The following CERS6 variants were observed in gnomAD, a reference collection of about 807,000 sequenced individuals.
The protein encoded by CERS6 is LAG1 homolog, ceramide synthase 6.
Under a neutral mutation model 56.8 loss-of-function variants are expected in CERS6, and 26 were observed. That is an observed-to-expected ratio of 0.46 (90% CI 0.34 to 0.63). The LOEUF is 0.63. CERS6 is among the 30% of genes least tolerant of loss of function. The probability of loss-of-function intolerance (pLI) is 0.01; values close to 1 mark genes in which losing one functional copy is unlikely to be tolerated. For synonymous variants in CERS6, 164 were observed against 173.3 expected (o/e 0.95, Z 0.42); for missense variants, 415 against 467.5 (o/e 0.89, Z 1.04).
intron 1 of CERS6, among the ~76,000 whole-genome samples, chr2:168,494,299 T>C (rs575473830): frequency 9.9e-4 from 151 of 151,970 alleles, no homozygotes; most frequent in South Asian, 3.7e-3. Flanking sequence ...TTTTATAGAG[T>C]GCAGTGGTTA....
At chr2:168,488,520 A>G (rs915961652) in intron 1 of CERS6, among the ~76,000 whole-genome samples, 1 of 152,084 alleles carries the variant, frequency 6.6e-6, no homozygotes, top group Non-Finnish European at 1.5e-5. Context: ...ATCTTTTTTC[A>G]TGGGTGTGTT....
chr2:168,611,952 G>A (rs993599601), intron 3 of CERS6, among the ~76,000 whole-genome samples: 9 of 152,158 alleles, frequency 5.9e-5, no homozygotes, highest in African/African-American at 2.2e-4. Context: ...TTGGTAGTTT[G>A]TCTAGCCATT....
At position 168,587,148 on chromosome 2, in the gene CERS6, G is replaced by A. The variant is rs565424422; in HGVS notation, c.407+25826G>A. ...GAGCCAAGATTGTGCCAGTGCAGCT[G>A]GGCTGAGCGATAGAGCAAGACTGTC... On this transcript the variant is annotated intron_variant, in intron 3 of 9. Transcript: ENST00000305747. Among the ~76,000 whole-genome samples, 666 of 151,670 alleles carry A rather than the reference G, an allele frequency of 4.4e-3. 7 individuals carry two copies. Among genetic ancestry groups the A allele is most frequent in the African/African-American group, 0.015 (620 of 41,292 alleles).
chr2:168,769,960 C>T lies in CERS6; in HGVS notation c.*298C>T, dbSNP rs1684822764. 3.2e-6 allele frequency: 1 copy of T among 310,734 alleles called. No homozygotes were observed. Among genetic ancestry groups the T allele is most frequent in the Non-Finnish European group, 5.9e-6 (1 of 169,384 alleles). 19.2% of individuals were successfully genotyped at this position (310,734 alleles called of 1,614,324 possible). ...TAAATCTGTGGACAAAAGAGGGTTT[C>T]CTCACTCCTTTTACTCACTGGGCTC... On this transcript the variant is annotated 3_prime_UTR_variant, in exon 10 of 10. Transcript: ENST00000305747.
In CERS6 at chr2:168,704,485, T is replaced by C. The variant is rs538199413; in HGVS notation, c.609+9434T>C. On this transcript the variant is annotated intron_variant, in intron 6 of 9. Transcript: ENST00000305747. Reference sequence around the variant, plus strand: ...TATAGCTCTGTCTCTCTCCCTGAAGTCGTGAACTCCTTCACTTTCCATCCC... The same window carrying C: ...TATAGCTCTGTCTCTCTCCCTGAAGCCGTGAACTCCTTCACTTTCCATCCC... Among the ~76,000 whole-genome samples the C allele has an allele frequency of 2.6e-5, 4 of 152,238 alleles. No individual in the cohort carries two copies. In the South Asian group the frequency reaches 8.3e-4, roughly 32 times the overall value.
intron 2 of CERS6, among the ~76,000 whole-genome samples, chr2:168,551,111 C>T (rs1265746525): frequency 6.6e-6 from 1 of 152,206 alleles, no homozygotes; most frequent in Non-Finnish European, 1.5e-5. Flanking sequence ...AAGATGGTGA[C>T]TGCAGGGTTT....
Position 168,737,691 on chromosome 2 carries a change from C to G in CERS6, c.845+19713C>G, listed in dbSNP as rs75092368. Among the ~76,000 whole-genome samples the G allele has an allele frequency of 9.3e-3, 1,421 of 152,290 alleles. 23 individuals carry two copies. Among genetic ancestry groups the G allele is most frequent in the African/African-American group, 0.032 (1,329 of 41,560 alleles). ...AATAAAGAAATATAATGTGCATCTTCTTTTCAAAAACTGAATTCAATATTA... is the reference window on the plus strand; with the variant it reads ...AATAAAGAAATATAATGTGCATCTTGTTTTCAAAAACTGAATTCAATATTA... On this transcript the variant is annotated intron_variant, in intron 8 of 9. Transcript: ENST00000305747.
At chr2:168,637,568 G>C (rs544016211) in intron 4 of CERS6, among the ~76,000 whole-genome samples, 2 of 152,220 alleles carry the variant, frequency 1.3e-5, no homozygotes, top group African/African-American at 4.8e-5. Flanking sequence ...ATAATGTGGA[G>C]GTGATGGATA....
At chr2:168,745,542 A>T (rs6759788) in intron 8 of CERS6, among the ~76,000 whole-genome samples, 1 of 152,134 alleles carries the variant, frequency 6.6e-6, no homozygotes, top group Non-Finnish European at 1.5e-5. Context: ...CGCCTGGCCA[A>T]ATATTTTTAA....
chr2:168,671,671 C>A (rs909204499), intron 4 of CERS6, among the ~76,000 whole-genome samples: 1 of 152,130 alleles, frequency 6.6e-6, no homozygotes, highest in Admixed American at 6.5e-5. Flanking sequence ...TCCTATTATA[C>A]TGTTAGGTAA....
intron 8 of CERS6, among the ~76,000 whole-genome samples, chr2:168,764,571 A>G (rs1366055479): frequency 6.6e-6 from 1 of 152,144 alleles, no homozygotes; most frequent in African/African-American, 2.4e-5. Flanking sequence ...AGGACCCTCT[A>G]ATGACTCTCC....
At chr2:168,738,179 G>A (rs1683772787) in intron 8 of CERS6, among the ~76,000 whole-genome samples, 1 of 152,170 alleles carries the variant, frequency 6.6e-6, no homozygotes, top group South Asian at 2.1e-4. Context: ...TATGAGTTAG[G>A]ATTCCCTCTG....
At chr2:168,581,669 G>A (rs1305819257) in intron 3 of CERS6, among the ~76,000 whole-genome samples, 1 of 152,014 alleles carries the variant, frequency 6.6e-6, no homozygotes, top group Non-Finnish European at 1.5e-5. Context: ...ATAGTTTCCT[G>A]TTCTTTGCAG....
intron 3 of CERS6, among the ~76,000 whole-genome samples, chr2:168,599,728 A>G (rs1352839034): frequency 6.6e-6 from 1 of 151,578 alleles, no homozygotes; most frequent in Non-Finnish European, 1.5e-5. Flanking sequence ...CCATCTATCA[A>G]TCCTTCCAGG....
intron 8 of CERS6, among the ~76,000 whole-genome samples, chr2:168,733,138 T>G (rs533486634): frequency 5.3e-5 from 8 of 152,346 alleles, no homozygotes; most frequent in African/African-American, 1.9e-4. Context: ...ATGGAACATG[T>G]TTATCACATA....
Position 168,554,161 on chromosome 2 carries a change from GA to G in CERS6, c.276+6470del, listed in dbSNP as rs35998007. 5.8e-4 allele frequency among the ~76,000 whole-genome samples: 84 copies of G among 145,572 alleles called. 1 individual carries two copies. Among genetic ancestry groups the G allele is most frequent in the African/African-American group, 1.5e-3 (61 of 39,694 alleles). ...CTAGAACAAAAATTACTCCCAAAAG[GA>G]AAAAAAAAATGTAGTGAAATGTTTT... On this transcript the variant is annotated intron_variant, in intron 2 of 9. Coordinates refer to ENST00000305747, the MANE Select transcript of CERS6 (RefSeq NM_203463.3).
intron 4 of CERS6, among the ~76,000 whole-genome samples, chr2:168,639,810 C>T (rs1684946272): frequency 6.6e-6 from 1 of 152,116 alleles, no homozygotes; most frequent in Non-Finnish European, 1.5e-5. Context: ...GTATCTGGTA[C>T]TGGGTCTGCT....
chr2:168,746,775 G>GTACATATATATATA (rs1684107510), intron 8 of CERS6, among the ~76,000 whole-genome samples: 4 of 38,992 alleles, frequency 1.0e-4, no homozygotes, highest in Non-Finnish European at 2.2e-4. Context: ...AGGGTAAAGG[G>GTACATATATATATA]TATATATATA....
intron 6 of CERS6, among the ~76,000 whole-genome samples, chr2:168,701,907 C>G (rs1403466070): frequency 6.6e-6 from 1 of 151,970 alleles, no homozygotes; most frequent in Non-Finnish European, 1.5e-5. Flanking sequence ...CGATGCACAT[C>G]CTCCCATATA....
Sources: allele counts gnomAD v4.1 joint callset (sites outside exome capture counted in the v4.1 genomes callset), GRCh38; gene constraint gnomAD v4.1.1; transcripts MANE v1.5; gene names NCBI Gene and HGNC (gene_info 2026-07-23, HGNC 2026-07-21).